The following BRF1 variants were observed in gnomAD, a reference collection of about 807,000 sequenced individuals.
BRF1 encodes transcription factor IIIB 90 kDa subunit.
Under a neutral mutation model 81.7 loss-of-function variants are expected in BRF1, and 59 were observed. The observed-to-expected ratio is 0.72, with a 90% CI of 0.59 to 0.90. BRF1 has a LOEUF of 0.90. Among genes scored for constraint, BRF1 ranks in the 40% least tolerant of loss-of-function variants. The pLI is 0.00. For missense variants in BRF1, 1,050 were observed against 936.3 expected, an observed-to-expected ratio of 1.12 and a Z score of -1.58; for synonymous variants, 491 against 395.6, an observed-to-expected ratio of 1.24 and a Z score of -2.86.
intron 5 of BRF1, among the ~76,000 whole-genome samples, chr14:105,244,367 C>T (rs966289208): frequency 6.6e-6 from 1 of 152,146 alleles, no homozygotes; most frequent in Non-Finnish European, 1.5e-5. Flanking sequence ...TTGCTTGAGT[C>T]CAGGAGGTCG....
At chr14:105,241,036 C>T (rs12433209) in intron 6 of BRF1, among the ~76,000 whole-genome samples, 1 of 152,216 alleles carries the variant, frequency 6.6e-6, no homozygotes, top group Admixed American at 6.6e-5. Flanking sequence ...CCGCTCTGCC[C>T]TGAGAGTTCT....
chr14:105,264,666 CAAAAAA>C (rs56970432), intron 3 of BRF1, among the ~76,000 whole-genome samples: 2 of 60,792 alleles, frequency 3.3e-5, no homozygotes, highest in African/African-American at 6.9e-5. Context: ...GACTCCATCT[CAAAAAA>C]AAAAAAAAAA....
rs891540099 is a variant in BRF1, at chr14:105,221,523, C to T, written c.1315+125G>A. The stretch of plus-strand genomic sequence containing the variant: ...GGACTGGTGGTGCCACCACCCAAGC[C>T]CACCGCCCGAGACCACCACACCTCC... On this transcript the variant is annotated intron_variant, in intron 11 of 17. Coordinates refer to ENST00000547530, the MANE Select transcript of BRF1 (RefSeq NM_001519.4). The T allele has an allele frequency of 2.3e-5, 32 of 1,368,938 alleles. No homozygotes were observed. The African/African-American group carries it at 4.2e-4, about 18-fold the overall frequency. The allele number at this position is 1,368,938 out of a possible 1,614,324, so 84.8% of individuals were successfully genotyped here. A position where few individuals can be genotyped will look rare whatever the true frequency, so the allele number is the denominator to read the frequency against.
At position 105,221,899 on chromosome 14, in the gene BRF1, G is replaced by A; in HGVS notation, c.1064C>T (p.Thr355Ile). Residue 355 changes from threonine to isoleucine, a missense_variant, in exon 11 of 18, where the codon ACC becomes ATC. Around this residue, in one of 2 missense-constraint regions of BRF1, gnomAD observed 1,043 missense variants for 915.4 expected, o/e 1.14. Transcript: ENST00000547530. ...CTCCTCGCCACACAAGCTGGACGCG[G>A]TGTCCTCGGTGGAGCCTAGGTGTAC... ...SLAKDGSTEDTASSLCGEEDT... is the reference protein window; with the variant it reads ...SLAKDGSTEDIASSLCGEEDT... The A allele has an allele frequency of 6.3e-7, 1 of 1,594,594 alleles. No homozygotes were observed. Among genetic ancestry groups the A allele is most frequent in the Non-Finnish European group, 8.5e-7 (1 of 1,170,962 alleles).
chr14:105,219,971 C>A (rs1358196050), intron 12 of BRF1, 98 bp downstream of exon 12: 1 of 1,382,788 alleles, frequency 7.2e-7, no homozygotes, highest in Non-Finnish European at 1.0e-6. Context: ...GGGCTCTGGG[C>A]AGGGGAGGTG....
At chr14:105,292,915 G>C (rs1447557885) in intron 1 of BRF1, among the ~76,000 whole-genome samples, 1 of 152,166 alleles carries the variant, frequency 6.6e-6, no homozygotes, top group Non-Finnish European at 1.5e-5. Context: ...CCTTCCCCAG[G>C]CCACTGCGGA....
intron 1 of BRF1, among the ~76,000 whole-genome samples, chr14:105,289,566 C>A (rs776187480): frequency 4.6e-5 from 7 of 152,222 alleles, no homozygotes; most frequent in Admixed American, 6.5e-5. Flanking sequence ...TGGCCCAGGC[C>A]TCCCCAGGCT....
Position 105,300,635 on chromosome 14 carries a change from C to G in BRF1, c.-6G>C. The G allele has an allele frequency of 2.2e-6, 3 of 1,361,088 alleles. No individual in the cohort carries two copies. The highest frequency in any genetic ancestry group is 2.8e-6 in the Non-Finnish European group (3 of 1,067,652). 84.3% of individuals were successfully genotyped at this position (1,361,088 alleles called of 1,614,324 possible). A position where few individuals can be genotyped will look rare whatever the true frequency, so the allele number is the denominator to read the frequency against. ...CGGCACACGCGGCCCGTCATGCCGG[C>G]GACCGCGCGGGCAGCGCCCGGAGCC... is the stretch of plus-strand genomic sequence containing the variant. On this transcript the variant is annotated 5_prime_UTR_variant, in exon 1 of 18. Coordinates refer to ENST00000547530, the MANE Select transcript of BRF1 (RefSeq NM_001519.4).
chr14:105,229,161 G>A (rs2054299798), intron 6 of BRF1, among the ~76,000 whole-genome samples: 1 of 152,198 alleles, frequency 6.6e-6, no homozygotes, highest in Admixed American at 6.5e-5. Context: ...GAAGGCTTCC[G>A]AGAGCTTCAC....
intron 2 of BRF1, among the ~76,000 whole-genome samples, chr14:105,281,029 A>G (rs7159768): frequency 0.26 from 16,844 of 65,068 alleles, 2,219 homozygotes; most frequent in African/African-American, 0.35. Context: ...CCCTGAGCCC[A>G]GGTGTGTGGA....
intron 4 of BRF1, among the ~76,000 whole-genome samples, chr14:105,254,715 C>T (rs1295280591): frequency 1.3e-5 from 2 of 152,242 alleles, no homozygotes; most frequent in Admixed American, 6.5e-5. Context: ...GCATCCGCCA[C>T]AACGCTCAGC....
rs28790684 is a variant in BRF1 at position 105,258,784 on chromosome 14, G to A, written c.440-2235C>T. On this transcript the variant is annotated intron_variant, in intron 3 of 17. Transcript: ENST00000547530. The stretch of plus-strand genomic sequence containing the variant: ...ACTGCACTCCAGCCTGGGCAACAGA[G>A]CGAGACTCAGTCTCAAAAAAAAGAA... Among the ~76,000 whole-genome samples the A allele has an allele frequency of 3.0e-3, 458 of 152,104 alleles. 1 individual carries two copies. Among genetic ancestry groups the A allele is most frequent in the African/African-American group, 0.011 (439 of 41,468 alleles).
At chr14:105,303,306 C>T (rs973584210), upstream of BRF1, among the ~76,000 whole-genome samples, 13 of 152,086 alleles carry the variant, frequency 8.5e-5, no homozygotes, top group African/African-American at 1.2e-4. Flanking sequence ...TGCAGTGGTG[C>T]GATCTTGGCT....
intron 6 of BRF1, among the ~76,000 whole-genome samples, chr14:105,229,331 C>A (rs955411213): frequency 2.0e-5 from 3 of 152,194 alleles, no homozygotes; most frequent in Non-Finnish European, 4.4e-5. Context: ...CCACAGTGGG[C>A]CCAGAACCTC....
chr14:105,266,088 A>G (rs2056402542), intron 3 of BRF1, among the ~76,000 whole-genome samples: 1 of 151,972 alleles, frequency 6.6e-6, no homozygotes, highest in African/African-American at 2.4e-5. Context: ...AACAAAACAA[A>G]CAAAAAACCG....
At chr14:105,248,443 TTGCTGGGCA>T (rs2055280221) in intron 5 of BRF1, 1 of 985,096 alleles carries the variant, frequency 1.0e-6, no homozygotes. Flanking sequence ...CTCGCGCCGG[TTGCTGGGCA>T]GAAGCTCGAG....
intron 14 of BRF1, among the ~76,000 whole-genome samples, chr14:105,218,128 C>T (rs1268240121): frequency 2.0e-5 from 3 of 152,156 alleles, no homozygotes; most frequent in Admixed American, 6.5e-5. Flanking sequence ...CACATGCACA[C>T]GGCAGGGCGA....
Position 105,220,257 on chromosome 14 carries a change from T to C in BRF1, c.1316-127A>G, listed in dbSNP as rs1892062981. ...CTTTCTAGAACCCCGTCCCCTCCTC[T>C]GCACTGGTGGGTCGCGCCCTGTCTG... On this transcript the variant is annotated intron_variant, in intron 11 of 17. Coordinates refer to ENST00000547530, the MANE Select transcript of BRF1 (RefSeq NM_001519.4). The C allele has an allele frequency of 1.1e-5, 11 of 1,018,320 alleles. No homozygotes were observed. In the East Asian group the frequency reaches 2.8e-4, roughly 26 times the overall value. The allele number at this position is 1,018,320 out of a possible 1,614,324, so 63.1% of individuals were successfully genotyped here.
At position 105,219,961 on chromosome 14, in the gene BRF1, G is replaced by T. The variant is rs918684292; in HGVS notation, c.1377+108C>A. 3.3e-6 allele frequency: 4 copies of T among 1,215,466 alleles called. No individual in the cohort carries two copies. The African/African-American group carries it at 6.0e-5, about 18-fold the overall frequency. The allele number at this position is 1,215,466 out of a possible 1,614,324, so 75.3% of individuals were successfully genotyped here. A position where few individuals can be genotyped will look rare whatever the true frequency, so the allele number is the denominator to read the frequency against. ...AGGAGCCCACTTCACCCAGCGGGGTGGGCTCTGGGCAGGGGAGGTGGCCAA... is the reference window on the plus strand; with the variant it reads ...AGGAGCCCACTTCACCCAGCGGGGTTGGCTCTGGGCAGGGGAGGTGGCCAA... On this transcript the variant is annotated intron_variant, in intron 12 of 17. Transcript: ENST00000547530.
Sources: gnomAD v4.1 joint callset for allele counts (sites outside exome capture counted in the v4.1 genomes callset) on GRCh38, gnomAD v4.1.1 for gene constraint, gnomAD v4.1.1 regional missense constraint, MANE v1.5 for transcripts, NCBI Gene and HGNC (gene_info 2026-07-23, HGNC 2026-07-21) for gene names.